The following SHLD2 variants were observed in gnomAD, a reference collection of about 807,000 sequenced individuals.
The protein encoded by SHLD2 is shieldin complex subunit 2, also known as RINN1-REV7-interacting novel NHEJ regulator 2.
In SHLD2, 30 loss-of-function variants were observed where a neutral mutation model predicts 73.2. The ratio of observed to expected loss-of-function variants is 0.41; its 90% CI spans 0.31 to 0.56. SHLD2 has a LOEUF of 0.56. Among genes scored for constraint, SHLD2 ranks in the 20% least tolerant of loss-of-function variants. The pLI is 0.28. For synonymous variants in SHLD2, 285 were observed against 370.1 expected, an observed-to-expected ratio of 0.77 and a Z score of 2.64; for missense variants, 745 against 1,055.9, an observed-to-expected ratio of 0.71 and a Z score of 4.08.
In SHLD2 at chr10:87,190,680, C is replaced by G. The variant is rs780843203; in HGVS notation, c.2712C>G (p.Leu904=). 1.9e-6 allele frequency: 3 copies of G among 1,611,580 alleles called. No individual in the cohort carries two copies. Among genetic ancestry groups the G allele is most frequent in the Admixed American group, 3.3e-5 (2 of 59,982 alleles). ...TAAAGCATGGAGCCAATGCCCGTCT[C>G]TGAGGCCAGAGGAAGAAATTGCAGG... ...DIVKHGANAR[L] Residue 904 remains leucine (L), a synonymous_variant, in exon 10 of 10, where the codon CTC becomes CTG. Transcript: ENST00000298786.
intron 2 of SHLD2, among the ~76,000 whole-genome samples, chr10:87,110,175 G>A (rs1842832617): frequency 6.6e-6 from 1 of 152,132 alleles, no homozygotes; most frequent in Admixed American, 6.5e-5. Flanking sequence ...TGTAGTCCCA[G>A]CTACTCAGGA....
intron 4 of SHLD2, among the ~76,000 whole-genome samples, chr10:87,167,631 C>T (rs1335783036): frequency 6.6e-6 from 1 of 151,940 alleles, no homozygotes; most frequent in African/African-American, 2.4e-5. Flanking sequence ...AAAAGTGGGA[C>T]CTAATAATAC....
rs1167208183 is a variant in SHLD2 at position 87,111,340 on chromosome 10, T to C, written c.-6+14351T>C. ...ACCACATCCCAGTAAGTTTTGTATT[T>C]TTTGTATTATAGAAATGGGGGCCAG... On this transcript the variant is annotated intron_variant, in intron 2 of 9. Coordinates refer to ENST00000298786, the MANE Select transcript of SHLD2 (RefSeq NM_001330112.2). 4.6e-5 allele frequency among the ~76,000 whole-genome samples: 7 copies of C among 152,000 alleles called. No individual in the cohort carries two copies. The East Asian group carries it at 1.2e-3, about 25-fold the overall frequency.
upstream of SHLD2, chr10:87,094,832 G>T (rs1841691129): frequency 3.1e-6 from 4 of 1,303,592 alleles, no homozygotes; most frequent in Non-Finnish European, 3.2e-6. The surrounding 1 kb of genome is among the most constrained non-coding windows in gnomAD (Gnocchi z 6.6). Context: ...CAGACTCCCC[G>T]CGACTAGGGA....
At chr10:87,157,398 C>T (rs1846508385) in intron 3 of SHLD2, among the ~76,000 whole-genome samples, 1 of 152,164 alleles carries the variant, frequency 6.6e-6, no homozygotes, top group Non-Finnish European at 1.5e-5. Flanking sequence ...CTCCCTTCCC[C>T]TCTTTCTCTT....
At chr10:87,137,325 T>C (rs1170909365) in intron 2 of SHLD2, among the ~76,000 whole-genome samples, 2 of 147,946 alleles carry the variant, frequency 1.4e-5, no homozygotes, top group African/African-American at 2.5e-5. Flanking sequence ...TTCCATTAAA[T>C]AGAGGTGAAA....
At chr10:87,151,017 G>A (rs980679440) in intron 2 of SHLD2, among the ~76,000 whole-genome samples, 30 of 152,066 alleles carry the variant, frequency 2.0e-4, no homozygotes, top group African/African-American at 5.8e-4. Flanking sequence ...TATAGACGGC[G>A]TTTCACGCTG....
At chr10:87,168,603 AAAATAAAT>A (rs568848026) in intron 4 of SHLD2, among the ~76,000 whole-genome samples, 1 of 149,406 alleles carries the variant, frequency 6.7e-6, no homozygotes, top group Non-Finnish European at 1.5e-5. Context: ...TGTCTCAAAA[AAAATAAAT>A]AAATAAATAA....
chr10:87,172,765 C>T (rs1426485147), intron 6 of SHLD2, among the ~76,000 whole-genome samples: 1 of 151,714 alleles, frequency 6.6e-6, no homozygotes, highest in Non-Finnish European at 1.5e-5. Flanking sequence ...TAAAAATTTT[C>T]AAGAAAACCC....
Position 87,151,409 on chromosome 10 carries a change from A to T in SHLD2, c.55A>T (p.Lys19Ter). 2 of 1,601,300 alleles carry T rather than the reference A, an allele frequency of 1.2e-6. No homozygotes were observed. Among genetic ancestry groups the T allele is most frequent in the South Asian group, 2.3e-5 (2 of 88,474 alleles). ...TTGGGGTGCTCCAATTGCTCCACTG[A>T]AAATCACAGTATCAGAAGACACAGC... ...IFWGAPIAPL[K>*]ITVSEDTASL... Residue 19 changes from lysine (K) to a stop codon, truncating the protein, a stop_gained, in exon 3 of 10, where the codon AAA (lysine) becomes TAA (stop). Coordinates refer to ENST00000298786, the MANE Select transcript of SHLD2 (RefSeq NM_001330112.2). LOFTEE classifies it high-confidence loss of function.
chr10:87,157,073 A>C (rs904325891), intron 3 of SHLD2, among the ~76,000 whole-genome samples: 16 of 152,124 alleles, frequency 1.1e-4, no homozygotes, highest in African/African-American at 3.6e-4. Context: ...AGGCAAGATG[A>C]CTTCAGATGT....
intron 4 of SHLD2, among the ~76,000 whole-genome samples, chr10:87,161,551 A>C (rs1846819120): frequency 6.6e-6 from 1 of 152,240 alleles, no homozygotes; most frequent in African/African-American, 2.4e-5. Flanking sequence ...AGATAGTTCA[A>C]AATACAGTTA....
At chr10:87,108,576 A>T (rs1189731770) in intron 2 of SHLD2, among the ~76,000 whole-genome samples, 1 of 152,088 alleles carries the variant, frequency 6.6e-6, no homozygotes, top group East Asian at 1.9e-4. Flanking sequence ...AAGTACTGGG[A>T]TTACAGGTGT....
chr10:87,145,509 T>C (rs1845540133), intron 2 of SHLD2, among the ~76,000 whole-genome samples: 1 of 152,032 alleles, frequency 6.6e-6, no homozygotes, highest in Non-Finnish European at 1.5e-5. Flanking sequence ...TTTGATGCTA[T>C]TGAGCAACTT....
chr10:87,173,584 ATACAT>A (rs1320676154), intron 6 of SHLD2, among the ~76,000 whole-genome samples: 1 of 152,234 alleles, frequency 6.6e-6, no homozygotes, highest in African/African-American at 2.4e-5. Context: ...TAAATTTCAG[ATACAT>A]TAGAGATTCA....
At chr10:87,137,898 C>T (rs1258407957) in intron 2 of SHLD2, among the ~76,000 whole-genome samples, 1 of 152,096 alleles carries the variant, frequency 6.6e-6, no homozygotes, top group African/African-American at 2.4e-5. Context: ...TATGGCTAAT[C>T]CATGTTTTCA....
intron 8 of SHLD2, among the ~76,000 whole-genome samples, chr10:87,183,591 A>T (rs566484312): frequency 2.5e-4 from 38 of 152,182 alleles, no homozygotes; most frequent in Non-Finnish European, 7.3e-5. Flanking sequence ...TTTTATACCC[A>T]GCCAAACTTT....
At chr10:87,095,868 C>T (rs1049953706) in intron 1 of SHLD2, among the ~76,000 whole-genome samples, 7 of 152,116 alleles carry the variant, frequency 4.6e-5, no homozygotes, top group Non-Finnish European at 2.9e-5. Flanking sequence ...GAGTTCGAGG[C>T]TGCAGTGAGC....
At chr10:87,171,796 A>G (rs1847608463) in intron 6 of SHLD2, among the ~76,000 whole-genome samples, 1 of 152,240 alleles carries the variant, frequency 6.6e-6, no homozygotes, top group African/African-American at 2.4e-5. Context: ...CTAGGATTTG[A>G]GATAAGTCTA....
Sources: allele counts gnomAD v4.1 joint callset (sites outside exome capture counted in the v4.1 genomes callset), GRCh38; gene constraint gnomAD v4.1.1; non-coding constraint Gnocchi (gnomAD v3.1); transcripts MANE v1.5; gene names NCBI Gene and HGNC (gene_info 2026-07-23, HGNC 2026-07-21).